AIPL1: variants seen among roughly 807,000 people sequenced by gnomAD.
The protein encoded by AIPL1 is AIP like 1 HSP90 co-chaperone, also known as aryl-hydrocarbon-interacting protein-like 1.
AIPL1 carries 23 observed loss-of-function variants against 32.9 expected under a neutral mutation model. The ratio of observed to expected loss-of-function variants is 0.70; its 90% CI spans 0.50 to 0.99. The LOEUF is 0.99. Ranked by LOEUF, AIPL1 falls within the 50% of genes least tolerant of loss-of-function variation. AIPL1 has a pLI of 0.00. For synonymous variants in AIPL1, 210 were observed against 209.4 expected (o/e 1.00, Z -0.02); for missense variants, 485 against 506.0 (o/e 0.96, Z 0.40).
At chr17:6,430,170 T>G in intron 2 of AIPL1, among the ~76,000 whole-genome samples, 1 of 151,502 alleles carries the variant, frequency 6.6e-6, no homozygotes, top group African/African-American at 2.4e-5. Flanking sequence ...AAACCCATAG[T>G]TACCATGGGG....
rs1911653961 is a variant in AIPL1, at chr17:6,423,801, G to A, written c.*1659C>T. On this transcript the variant is annotated 3_prime_UTR_variant, in exon 6 of 6. Coordinates refer to ENST00000381129, the MANE Select transcript of AIPL1 (RefSeq NM_014336.5). ...ATCAACCTATGGACAAAGCACAGAAGATTTAGTTTTGCTTACAGAGCAGAA... is the reference window on the plus strand; with the variant it reads ...ATCAACCTATGGACAAAGCACAGAAAATTTAGTTTTGCTTACAGAGCAGAA... 6.6e-6 allele frequency: 1 copy of A among 152,264 alleles called. No homozygotes were observed. Among genetic ancestry groups the A allele is most frequent in the Non-Finnish European group, 1.5e-5 (1 of 68,056 alleles). 9.4% of individuals were successfully genotyped at this position (152,264 alleles called of 1,614,324 possible).
chr17:6,434,904 GT>G lies in AIPL1; in HGVS notation c.96+104del, dbSNP rs200574696. On this transcript the variant is annotated intron_variant, in intron 1 of 5. Transcript: ENST00000381129. ...GGCCCAGCGCTGGGGCTGCCTGGCT[GT>G]TTTTTTGGCACAGCTGAAAGCTGTT... The G allele has an allele frequency of 2.1e-4, 329 of 1,568,892 alleles. 3 individuals are homozygous for G. In the African/African-American group the frequency reaches 4.0e-3, roughly 19 times the overall value.
chr17:6,435,001 CCACT>C lies in AIPL1; in HGVS notation c.96+4_96+7del. 1 of 1,614,094 alleles carries C rather than the reference CCACT, an allele frequency of 6.2e-7. No individual in the cohort carries two copies. Among genetic ancestry groups the C allele is most frequent in the Non-Finnish European group, 8.5e-7 (1 of 1,180,018 alleles). On this transcript the variant is annotated splice_donor_5th_base_variant and intron_variant, in intron 1 of 5. Coordinates refer to ENST00000381129, the MANE Select transcript of AIPL1 (RefSeq NM_014336.5). ...GGACCCTGTCTGCTCCGGAGGGGCC[CCACT>C]CACTCGGGATCCGGTGATGAAGTTT...
chr17:6,429,841 TA>T (rs1912383789), intron 2 of AIPL1, among the ~76,000 whole-genome samples: 2 of 148,742 alleles, frequency 1.3e-5, no homozygotes, highest in Non-Finnish European at 3.0e-5. Flanking sequence ...GATAGATAGA[TA>T]GATAGATAGA....
Position 6,425,515 on chromosome 17 carries a change from G to C in AIPL1, c.1100C>G (p.Pro367Arg), listed in dbSNP as rs1911827159. Residue 367 changes from proline to arginine, a missense_variant, in exon 6 of 6, where the codon CCT becomes CGT. Pro to Arg is a moderately radical substitution (Grantham distance 103, BLOSUM62 -2). Transcript: ENST00000381129. Reference sequence around the variant, plus strand: ...GGGTGGCTCTGTGGCTGGCTCTGCAGGGGGCCCTGCGGACAGCTCTGCAGA... The same window carrying C: ...GGGTGGCTCTGTGGCTGGCTCTGCACGGGGCCCTGCGGACAGCTCTGCAGA... ...APSAELSAGP[P>R]AEPATEPPPS... 1 of 1,610,428 alleles carries C rather than the reference G, an allele frequency of 6.2e-7. No homozygotes were observed. The highest frequency in any genetic ancestry group is 8.5e-7 in the Non-Finnish European group (1 of 1,179,426).
chr17:6,427,766 A>T (rs1463685965), intron 3 of AIPL1, among the ~76,000 whole-genome samples: 1 of 152,124 alleles, frequency 6.6e-6, no homozygotes, highest in Non-Finnish European at 1.5e-5. Context: ...AAATGCCTCC[A>T]CAATGAAAAT....
intron 3 of AIPL1, 27 bp from the exon 4 acceptor site, chr17:6,427,084 G>C (rs771612823): frequency 5.6e-6 from 9 of 1,613,486 alleles, no homozygotes; most frequent in Non-Finnish European, 5.9e-6. Context: ...AGGTCAGTGA[G>C]GCAGGGACCC....
At chr17:6,427,602 G>A (rs7206927) in intron 3 of AIPL1, among the ~76,000 whole-genome samples, 45,907 of 151,788 alleles carry the variant, frequency 0.3, 7,799 homozygotes, top group Admixed American at 0.38. Flanking sequence ...ACAAACACGC[G>A]CTGCCAATCA....
intron 2 of AIPL1, among the ~76,000 whole-genome samples, chr17:6,430,506 A>G (rs73348955): frequency 0.033 from 4,973 of 149,798 alleles, 274 homozygotes; most frequent in African/African-American, 0.11. Context: ...GATATGGGCA[A>G]TGCACTCATG....
chr17:6,429,752 C>T (rs982161814), intron 2 of AIPL1, among the ~76,000 whole-genome samples: 1 of 152,164 alleles, frequency 6.6e-6, no homozygotes, highest in African/African-American at 2.4e-5. Context: ...TCACTCCTAA[C>T]ATACAGCACA....
chr17:6,428,238 T>C lies in AIPL1; in HGVS notation c.465+80A>G, dbSNP rs1912189124. On this transcript the variant is annotated intron_variant, in intron 3 of 5. Coordinates refer to ENST00000381129, the MANE Select transcript of AIPL1 (RefSeq NM_014336.5). ...AAACAGGGCACTGTCCAGTGGCCAG[T>C]GGGGTGGGGGTGCCCATGATGCCCG... The C allele has an allele frequency of 4.0e-6, 6 of 1,502,428 alleles. No individual in the cohort carries two copies. The Middle Eastern group carries it at 5.2e-4, about 131-fold the overall frequency. The allele number at this position is 1,502,428 out of a possible 1,614,324, so 93.1% of individuals were successfully genotyped here.
chr17:6,433,611 TCACACACACACACACA>T (rs541117064), intron 2 of AIPL1, among the ~76,000 whole-genome samples: 4 of 106,256 alleles, frequency 3.8e-5, no homozygotes, highest in African/African-American at 1.5e-4. Context: ...TCTCTCTCTC[TCACACACACACACACA>T]CACACACACA....
chr17:6,426,206 G>C, intron 5 of AIPL1: 1 of 1,279,656 alleles, frequency 7.8e-7, no homozygotes. Flanking sequence ...GCATGAGCCA[G>C]GGGCTGGATG....
chr17:6,428,746 G>A (rs1415628445), intron 2 of AIPL1, among the ~76,000 whole-genome samples: 1 of 152,234 alleles, frequency 6.6e-6, no homozygotes, highest in Non-Finnish European at 1.5e-5. Context: ...GGAAACTACA[G>A]CCCAGAGACG....
intron 2 of AIPL1, among the ~76,000 whole-genome samples, chr17:6,428,854 T>C (rs903872661): frequency 6.6e-6 from 1 of 152,226 alleles, no homozygotes; most frequent in African/African-American, 2.4e-5. Context: ...CGGCTGCCTC[T>C]TCTGGCCCTT....
chr17:6,430,092 C>T (rs911030000), intron 2 of AIPL1, among the ~76,000 whole-genome samples: 4 of 147,620 alleles, frequency 2.7e-5, no homozygotes, highest in African/African-American at 7.6e-5. Context: ...TGTGTGCATG[C>T]GTACATGCAC....
rs949523393 is a variant in AIPL1 at position 6,424,197 on chromosome 17, T to G, written c.*1263A>C. The G allele has an allele frequency of 3.9e-5, 6 of 152,230 alleles. No individual in the cohort carries two copies. The highest frequency in any genetic ancestry group is 1.4e-4 in the African/African-American group (6 of 41,426). The allele number at this position is 152,230 out of a possible 1,614,324, so 9.4% of individuals were successfully genotyped here. On this transcript the variant is annotated 3_prime_UTR_variant, in exon 6 of 6. Transcript: ENST00000381129. ...GGTGGAGCTTGGACACCAGACTAAC[T>G]TGAAGATGAGCTAAAACAGGGGCGA...
rs202187603 is a variant in AIPL1 at position 6,428,381 on chromosome 17, G to A, written c.402C>T (p.Tyr134=). 1.1e-5 allele frequency: 17 copies of A among 1,612,626 alleles called. No homozygotes were observed. The highest frequency in any genetic ancestry group is 2.2e-5 in the East Asian group (1 of 44,876). ...ANMFAYHTLG[Y]EDLDELQKEP... ...CCTTCTGCAGCTCGTCCAGGTCCTC[G>A]TAGCCCAGCGTGTGGTAGGCGAACA... The change falls in exon 3 of 6, where the codon TAC becomes TAT. Residue 134 remains tyrosine, a synonymous_variant. Transcript: ENST00000381129.
At chr17:6,434,944 G>A (rs1429523220) in intron 1 of AIPL1, 65 bp downstream of exon 1, 1 of 1,610,770 alleles carries the variant, frequency 6.2e-7, no homozygotes, top group African/African-American at 1.3e-5. Flanking sequence ...AGTGCCTTGG[G>A]GCACACCTGG....
Sources: allele counts gnomAD v4.1 joint callset (sites outside exome capture counted in the v4.1 genomes callset), GRCh38; gene constraint gnomAD v4.1.1; transcripts MANE v1.5; gene names NCBI Gene and HGNC (gene_info 2026-07-23, HGNC 2026-07-21).